Variants in CA5B observed in about 807,000 individuals in gnomAD.
CA5B encodes the protein carbonic anhydrase 5B, mitochondrial.
In CA5B, 15 loss-of-function variants were observed where a neutral mutation model predicts 23.1. The observed-to-expected ratio is 0.65, with a 90% CI of 0.43 to 1.00. CA5B has a LOEUF of 1.00. Among genes scored for constraint, CA5B ranks in the 50% least tolerant of loss-of-function variants. The probability of loss-of-function intolerance (pLI) is 0.00; values close to 1 mark genes in which losing one functional copy is unlikely to be tolerated. For synonymous variants in CA5B, 84 were observed against 98.5 expected, an observed-to-expected ratio of 0.85 and a Z score of 0.87; for missense variants, 236 against 252.2, an observed-to-expected ratio of 0.94 and a Z score of 0.43.
At chrX:15,768,623 TCTC>T (rs1006931732) in intron 3 of CA5B, 5 of 111,991 alleles carry the variant, frequency 4.5e-5, no homozygotes, top group South Asian at 3.7e-4. Context: ...TCTCTCTCTC[TCTC>T]TTTTTCCACC....
intron 2 of CA5B, among the ~76,000 whole-genome samples, chrX:15,759,734 C>G (rs1931561855): frequency 2.7e-5 from 1 of 37,396 alleles, no homozygotes; most frequent in Non-Finnish European, 4.3e-5. Context: ...TTACTGACAC[C>G]TTTTTTTTTT....
At chrX:15,778,936 T>C (rs145639600) in intron 7 of CA5B, among the ~76,000 whole-genome samples, 3 of 110,637 alleles carry the variant, frequency 2.7e-5, no homozygotes, top group Non-Finnish European at 5.7e-5. Flanking sequence ...ACACCAGATA[T>C]AGATAAAGAT....
chrX:15,763,996 CA>C (rs1253067389), intron 2 of CA5B, among the ~76,000 whole-genome samples: 3 of 111,648 alleles, frequency 2.7e-5, no homozygotes. Flanking sequence ...TCTGGCCCCC[CA>C]GCAGTTTAGA....
chrX:15,780,621 A>G (rs1932005528), intron 7 of CA5B, among the ~76,000 whole-genome samples: 1 of 112,039 alleles, frequency 8.9e-6, no homozygotes, highest in Non-Finnish European at 1.9e-5. Context: ...ATTTTTAAGG[A>G]CTATATACTA....
intron 1 of CA5B, among the ~76,000 whole-genome samples, chrX:15,741,771 C>T (rs1338564720): frequency 9.0e-6 from 1 of 111,403 alleles, no homozygotes; most frequent in Non-Finnish European, 1.9e-5. Flanking sequence ...CCACTGTGCC[C>T]GGCCTAACAA....
chrX:15,749,504 T>C (rs971113819), intron 1 of CA5B, among the ~76,000 whole-genome samples: 1 of 112,024 alleles, frequency 8.9e-6, no homozygotes, highest in African/African-American at 3.3e-5. Context: ...GTTTTTGTTT[T>C]TGTTTTTTTG....
chrX:15,749,973 T>C lies in CA5B; in HGVS notation c.-51T>C. The C allele has an allele frequency of 8.4e-7, 1 of 1,195,067 alleles. No individual in the cohort carries two copies. Among genetic ancestry groups the C allele is most frequent in the Non-Finnish European group, 1.1e-6 (1 of 885,036 alleles). ...CTCCTCTGCCCTCATCCCTCTAGAT[T>C]ATTAAGTTCCTGCAACTTAACTGGG... On this transcript the variant is annotated splice_region_variant and 5_prime_UTR_variant, in exon 2 of 8. Coordinates refer to ENST00000318636, the MANE Select transcript of CA5B (RefSeq NM_007220.4).
intron 1 of CA5B, among the ~76,000 whole-genome samples, chrX:15,738,896 A>G (rs1261597972): frequency 9.0e-6 from 1 of 111,453 alleles, no homozygotes; most frequent in African/African-American, 3.3e-5. Context: ...CACCCCCAAG[A>G]CAGGGTATCA....
chrX:15,760,343 T>G (rs934493133), intron 2 of CA5B, among the ~76,000 whole-genome samples: 1 of 111,149 alleles, frequency 9.0e-6, no homozygotes, highest in Non-Finnish European at 1.9e-5. Context: ...AAGGGGGCAG[T>G]GACCAAGGAC....
At chrX:15,762,155 A>G (rs1931614994) in intron 2 of CA5B, among the ~76,000 whole-genome samples, 1 of 109,483 alleles carries the variant, frequency 9.1e-6, no homozygotes, top group Admixed American at 9.7e-5. Flanking sequence ...CTGTAATCCC[A>G]GTTACTCAGG....
chrX:15,738,506 G>A (rs1266761786), intron 1 of CA5B, among the ~76,000 whole-genome samples, 154 bp downstream of exon 1: 3 of 111,022 alleles, frequency 2.7e-5, no homozygotes, highest in Non-Finnish European at 5.7e-5. Flanking sequence ...GTCCCGGCAG[G>A]GCGCCCGGGA....
At chrX:15,758,477 G>A (rs1048380753) in intron 2 of CA5B, among the ~76,000 whole-genome samples, 17 of 111,440 alleles carry the variant, frequency 1.5e-4, no homozygotes, top group Non-Finnish European at 2.8e-4. Flanking sequence ...GGATTTCAGC[G>A]TGTACATTTT....
intron 2 of CA5B, among the ~76,000 whole-genome samples, chrX:15,760,366 C>G (rs1395202567): frequency 9.0e-6 from 1 of 111,211 alleles, no homozygotes; most frequent in Non-Finnish European, 1.9e-5. Context: ...CCTCCCCACA[C>G]AGTGAGTTGG....
At chrX:15,779,649 A>C (rs1931987229) in intron 7 of CA5B, among the ~76,000 whole-genome samples, 1 of 111,833 alleles carries the variant, frequency 8.9e-6, no homozygotes, top group African/African-American at 3.2e-5. Flanking sequence ...AATTGGATCC[A>C]TCATTCAGAC....
Position 15,786,317 on chromosome X carries a change from T to C in CA5B, c.*3653T>C, listed in dbSNP as rs1254764395. On this transcript the variant is annotated 3_prime_UTR_variant, in exon 8 of 8. Transcript: ENST00000318636. ...TTATTAACCACACTCTTTTTCACTT[T>C]GAACCATGTCCTGGTTTGCATGGCC... 4 of 111,762 alleles carry C rather than the reference T, an allele frequency of 3.6e-5. No homozygotes were observed. In the East Asian group the frequency reaches 1.1e-3, roughly 31 times the overall value. 9.2% of individuals were successfully genotyped at this position (111,762 alleles called of 1,213,427 possible). A position where few individuals can be genotyped will look rare whatever the true frequency, so the allele number is the denominator to read the frequency against.
chrX:15,740,422 G>A (rs887229377), intron 1 of CA5B, among the ~76,000 whole-genome samples: 1 of 112,594 alleles, frequency 8.9e-6, no homozygotes, highest in African/African-American at 3.2e-5. Flanking sequence ...TAACAGAGAG[G>A]ATAGACCTTA....
intron 2 of CA5B, among the ~76,000 whole-genome samples, chrX:15,752,873 A>G (rs986195771): frequency 6.3e-5 from 7 of 111,472 alleles, no homozygotes; most frequent in Admixed American, 9.5e-5. Context: ...AGGAACTTTG[A>G]TCTCCACAAT....
intron 2 of CA5B, among the ~76,000 whole-genome samples, chrX:15,759,415 C>T (rs1464300640): frequency 9.0e-6 from 1 of 111,627 alleles, no homozygotes; most frequent in Non-Finnish European, 1.9e-5. Context: ...AGAGAGCTCC[C>T]TCGTACCTTG....
At chrX:15,762,892 C>G in intron 2 of CA5B, 1 of 358,359 alleles carries the variant, frequency 2.8e-6, no homozygotes, top group South Asian at 2.5e-5. Context: ...GGGGTCTCAA[C>G]AGGCTGATCT....
Sources: allele counts gnomAD v4.1 joint callset (sites outside exome capture counted in the v4.1 genomes callset), GRCh38; gene constraint gnomAD v4.1.1; transcripts MANE v1.5; gene names NCBI Gene and HGNC (gene_info 2026-07-23, HGNC 2026-07-21).